SHOC1: variants seen among roughly 807,000 people sequenced by gnomAD.
The protein encoded by SHOC1 is shortage in chiasmata 1.
SHOC1 carries 136 observed loss-of-function variants against 179.2 expected under a neutral mutation model. The observed-to-expected ratio is 0.76, with a 90% CI of 0.66 to 0.87. The LOEUF (loss-of-function observed/expected upper bound fraction) is 0.87, where lower values mean the gene tolerates loss of function less well. SHOC1 is among the 40% of genes least tolerant of loss of function. SHOC1 has a pLI of 0.00. For synonymous variants in SHOC1, 489 were observed against 586.6 expected, an observed-to-expected ratio of 0.83 and a Z score of 2.41; for missense variants, 1,538 against 1,700.8, an observed-to-expected ratio of 0.90 and a Z score of 1.68.
chr9:111,693,846 A>G lies in SHOC1; in HGVS notation c.3418T>C (p.Cys1140Arg), dbSNP rs1444601702. 1.2e-6 allele frequency: 2 copies of G among 1,612,156 alleles called. No individual in the cohort carries two copies. The highest frequency in any genetic ancestry group is 3.3e-5 in the Admixed American group (2 of 59,836). ...SLHWILLATLCQLQELLPEVP... is the reference protein window; with the variant it reads ...SLHWILLATLRQLQELLPEVP... ...TCAGGTAGGAGTTCCTGAAGTTGAC[A>G]CAGAGTTGCTAATAATATCCAATGC... The change falls in exon 26 of 28, where the codon TGT becomes CGT. Residue 1140 changes from cysteine (C) to arginine (R), a missense_variant. Cys to Arg is a radical substitution (Grantham distance 180, BLOSUM62 -3). Transcript: ENST00000682961.
intron 8 of SHOC1, among the ~76,000 whole-genome samples, chr9:111,749,686 C>T (rs902971192): frequency 2.0e-5 from 3 of 152,090 alleles, no homozygotes; most frequent in Non-Finnish European, 1.5e-5. Context: ...ACATCACCCC[C>T]GATAAGCCCT....
At chr9:111,702,570 T>G (rs373927562) in intron 22 of SHOC1, among the ~76,000 whole-genome samples, 7 of 152,342 alleles carry the variant, frequency 4.6e-5, no homozygotes, top group Admixed American at 3.9e-4. Context: ...CCTTTGTGGA[T>G]GCAAGTCCTT....
chr9:111,744,718 T>C (rs984289908), intron 10 of SHOC1, among the ~76,000 whole-genome samples: 17 of 152,226 alleles, frequency 1.1e-4, no homozygotes, highest in Non-Finnish European at 1.5e-5. Flanking sequence ...CATTAAGTTC[T>C]AGGTTTACAG....
intron 4 of SHOC1, among the ~76,000 whole-genome samples, chr9:111,776,331 A>G (rs1259307341): frequency 6.6e-6 from 1 of 152,246 alleles, no homozygotes; most frequent in African/African-American, 2.4e-5. Context: ...CTATTGTTGG[A>G]AATTTAAGTT....
At chr9:111,729,766 C>A (rs1833479535) in intron 12 of SHOC1, among the ~76,000 whole-genome samples, 1 of 152,012 alleles carries the variant, frequency 6.6e-6, no homozygotes, top group Non-Finnish European at 1.5e-5. Context: ...GTGGCGCATG[C>A]CTGTAGTCCC....
intron 5 of SHOC1, among the ~76,000 whole-genome samples, chr9:111,774,983 T>C (rs1335116947): frequency 3.3e-5 from 5 of 151,966 alleles, no homozygotes; most frequent in African/African-American, 1.2e-4. Context: ...CCAGTTTGAA[T>C]AAAATATACT....
chr9:111,771,698 G>A (rs539097168), intron 5 of SHOC1, among the ~76,000 whole-genome samples: 3 of 152,068 alleles, frequency 2.0e-5, no homozygotes, highest in East Asian at 3.9e-4. Flanking sequence ...GTTCTTAGAT[G>A]GCTTTTTTTT....
intron 10 of SHOC1, among the ~76,000 whole-genome samples, chr9:111,741,916 G>A (rs1446908396): frequency 6.6e-6 from 1 of 152,166 alleles, no homozygotes; most frequent in Non-Finnish European, 1.5e-5. Context: ...ACAGGTGTGA[G>A]CCACCGCGCC....
intron 5 of SHOC1, among the ~76,000 whole-genome samples, chr9:111,773,311 TTTTTA>T (rs1835692940): frequency 6.6e-6 from 1 of 152,194 alleles, no homozygotes; most frequent in Non-Finnish European, 1.5e-5. Context: ...TTTTATTTTA[TTTTTA>T]TTTATTATTT....
In SHOC1 at chr9:111,692,015, G is replaced by T; in HGVS notation, c.3962C>A (p.Pro1321His). The T allele has an allele frequency of 6.2e-7, 1 of 1,613,146 alleles. No individual in the cohort carries two copies. Among genetic ancestry groups the T allele is most frequent in the Non-Finnish European group, 8.5e-7 (1 of 1,179,654 alleles). The change falls in exon 27 of 28, where the codon CCC (proline) becomes CAC (histidine). Residue 1321 changes from proline (P) to histidine (H), a missense_variant. Pro to His is a moderately conservative substitution (Grantham distance 77). Coordinates refer to ENST00000682961, the MANE Select transcript of SHOC1 (RefSeq NM_001378211.1). ...CCTTTTCTGAGAATTTATAAAACGG[G>T]GGACAACTGACACTCTCTTCTGAGT... is the stretch of plus-strand genomic sequence containing the variant. ...TDTQKRVSVV[P>H]RFINSQKRRT...
chr9:111,735,666 T>C (rs1027133164), intron 12 of SHOC1, among the ~76,000 whole-genome samples: 3 of 152,198 alleles, frequency 2.0e-5, no homozygotes, highest in Admixed American at 2.0e-4. Context: ...TGTGTCTTTA[T>C]AGCAGAATGA....
chr9:111,708,686 G>C (rs1398505709), intron 18 of SHOC1, among the ~76,000 whole-genome samples: 1 of 152,086 alleles, frequency 6.6e-6, no homozygotes, highest in Non-Finnish European at 1.5e-5. Flanking sequence ...TGAGTATTTA[G>C]AAGCAGAACA....
At position 111,700,051 on chromosome 9, in the gene SHOC1, CA is replaced by C; in HGVS notation, c.3090-5del. The C allele has an allele frequency of 7.0e-7, 1 of 1,423,462 alleles. No individual in the cohort carries two copies. The highest frequency in any genetic ancestry group is 9.8e-7 in the Non-Finnish European group (1 of 1,017,960). 88.2% of individuals were successfully genotyped at this position (1,423,462 alleles called of 1,614,324 possible). A position where few individuals can be genotyped will look rare whatever the true frequency, so the allele number is the denominator to read the frequency against. ...TGTCTTTTCTGTAAGCAGATACCTA[CA>C]AAGAATTATATTACTATATTTCTAT... On this transcript the variant is annotated splice_polypyrimidine_tract_variant and splice_region_variant and intron_variant, in intron 23 of 27. Coordinates refer to ENST00000682961, the MANE Select transcript of SHOC1 (RefSeq NM_001378211.1).
At chr9:111,776,619 T>C (rs1353188806) in intron 4 of SHOC1, among the ~76,000 whole-genome samples, 1 of 152,188 alleles carries the variant, frequency 6.6e-6, no homozygotes, top group Admixed American at 6.5e-5. Context: ...GGTTCAGCCA[T>C]GGAAAGCACT....
In SHOC1 at chr9:111,708,209, T is replaced by A. The variant is rs192022053; in HGVS notation, c.2489-285A>T. The stretch of plus-strand genomic sequence containing the variant: ...TTTTGTTAATTTTTATTTTTTATTT[T>A]TTATTTTTTTTGAGACAGAGTCTCG... On this transcript the variant is annotated intron_variant, in intron 18 of 27. Coordinates refer to ENST00000682961, the MANE Select transcript of SHOC1 (RefSeq NM_001378211.1). Among the ~76,000 whole-genome samples, 318 of 135,840 alleles carry A rather than the reference T, an allele frequency of 2.3e-3. 1 individual carries two copies. The highest frequency in any genetic ancestry group is 8.1e-3 in the African/African-American group (236 of 29,052). The allele number at this position is 135,840 out of a possible 152,430, so 89.1% of individuals were successfully genotyped here. A position where few individuals can be genotyped will look rare whatever the true frequency, so the allele number is the denominator to read the frequency against.
chr9:111,791,940 C>T (rs534925606), intron 1 of SHOC1, among the ~76,000 whole-genome samples: 312 of 151,844 alleles, frequency 2.1e-3, no homozygotes, highest in Non-Finnish European at 3.4e-3. Context: ...CCATATTTCT[C>T]AAGTGGTCTT....
chr9:111,754,998 T>A (rs772931619), intron 8 of SHOC1, among the ~76,000 whole-genome samples: 35 of 152,300 alleles, frequency 2.3e-4, no homozygotes, highest in Middle Eastern at 3.4e-3. Context: ...ACTAAGCACT[T>A]TTATTATTAT....
intron 27 of SHOC1, among the ~76,000 whole-genome samples, chr9:111,687,889 G>A (rs1217781749): frequency 2.0e-5 from 3 of 151,234 alleles, no homozygotes; most frequent in East Asian, 1.9e-4. Context: ...GACATATTTC[G>A]TTTCAGGGAG....
chr9:111,714,197 T>C (rs1225378154), intron 17 of SHOC1, among the ~76,000 whole-genome samples: 1 of 152,096 alleles, frequency 6.6e-6, no homozygotes, highest in Non-Finnish European at 1.5e-5. Flanking sequence ...AAATTTTTTT[T>C]ATAGAGACAA....
Sources: allele counts gnomAD v4.1 joint callset (sites outside exome capture counted in the v4.1 genomes callset), GRCh38; gene constraint gnomAD v4.1.1; transcripts MANE v1.5; gene names NCBI Gene and HGNC (gene_info 2026-07-23, HGNC 2026-07-21).